KRTAP10-3: variants seen among roughly 807,000 people sequenced by gnomAD.
KRTAP10-3 encodes the protein keratin associated protein 10-3, also known as keratin-associated protein 10-3.
For synonymous variants in KRTAP10-3, 151 were observed against 126.2 expected, an observed-to-expected ratio of 1.20 and a Z score of -1.32; for missense variants, 341 against 293.4, an observed-to-expected ratio of 1.16 and a Z score of -1.19.
chr21:44,558,497 G>T lies in KRTAP10-3; in HGVS notation c.219C>A (p.Ser73Arg). 6.2e-7 allele frequency: 1 copy of T among 1,613,934 alleles called. No individual in the cohort carries two copies. The highest frequency in any genetic ancestry group is 8.5e-7 in the Non-Finnish European group (1 of 1,179,940). ...EPSPCQSGCT[S>R]SCTPSCCQQS... Reference sequence around the variant, plus strand: ...GCTGGCAGCACGAGGGCGTGCAGGAGCTGGTGCAGCCTGACTGGCAGGGGC... The same window carrying T: ...GCTGGCAGCACGAGGGCGTGCAGGATCTGGTGCAGCCTGACTGGCAGGGGC... Residue 73 changes from serine to arginine, a missense_variant, in exon 1 of 1, where the codon AGC becomes AGA. Coordinates refer to ENST00000391620, the MANE Select transcript of KRTAP10-3 (RefSeq NM_198696.3).
In KRTAP10-3 at chr21:44,558,346, A is replaced by T. The variant is rs1019539404; in HGVS notation, c.370T>A (p.Cys124Ser). The change falls in exon 1 of 1, where the codon TGC becomes AGC. Residue 124 changes from cysteine (C) to serine (S), a missense_variant. Coordinates refer to ENST00000391620, the MANE Select transcript of KRTAP10-3 (RefSeq NM_198696.3). ...CCKPVCCKPI[C>S]CVPVCSGASS... ...GCCCCAGAGCAGACGGGCACACAGC[A>T]GATGGGCTTGCAGCAGACAGGCTTG... The T allele has an allele frequency of 1.9e-6, 3 of 1,613,496 alleles. No individual in the cohort carries two copies. Among genetic ancestry groups the T allele is most frequent in the Admixed American group, 1.7e-5 (1 of 59,972 alleles).
rs782497300 is a variant in KRTAP10-3 at position 44,558,603 on chromosome 21, G to A, written c.113C>T (p.Ala38Val). 30 of 1,611,130 alleles carry A rather than the reference G, an allele frequency of 1.9e-5. No homozygotes were observed. Among genetic ancestry groups the A allele is most frequent in the South Asian group, 3.3e-5 (3 of 90,858 alleles). ...GACCAGGGTCAGGCAGGGGGCCGGGGCGCAGCAGCTGGTGGCGCAGCAGGG... is the reference window on the plus strand; with the variant it reads ...GACCAGGGTCAGGCAGGGGGCCGGGACGCAGCAGCTGGTGGCGCAGCAGGG... Reference protein sequence around the residue: ...EPPCCATSCCAPAPCLTLVCT... With the variant: ...EPPCCATSCCVPAPCLTLVCT... The change falls in exon 1 of 1, where the codon GCC (alanine) becomes GTC (valine). Residue 38 changes from alanine to valine, a missense_variant. Ala to Val is a moderately conservative substitution (Grantham distance 64). Transcript: ENST00000391620.
chr21:44,558,393 A>ATGGG lies in KRTAP10-3; in HGVS notation c.322_323insCCCA (p.Val108AlafsTer35). The ATGGG allele has an allele frequency of 6.2e-7, 1 of 1,613,010 alleles. No homozygotes were observed. Among genetic ancestry groups the ATGGG allele is most frequent in the South Asian group, 1.1e-5 (1 of 91,032 alleles). On this transcript the variant is annotated frameshift_variant, in exon 1 of 1. Transcript: ENST00000391620. LOFTEE classifies it low-confidence loss of function (END_TRUNC). Reference sequence around the variant, plus strand: ...CTTGCAGCAGACGGGCACACAGCAGACTGGCTTGCAGCAGACAGGCACGCA... The same window carrying ATGGG: ...CTTGCAGCAGACGGGCACACAGCAGATGGGCTGGCTTGCAGCAGACAGGCACGCA...
Position 44,557,939 on chromosome 21 carries a change from G to A in KRTAP10-3, c.*111C>T. ...GCATGAAAGCTCAGCATTGCTGGCT[G>A]GAGGTGCAGTGGCTATGGGCAGAGG... On this transcript the variant is annotated 3_prime_UTR_variant, in exon 1 of 1. Transcript: ENST00000391620. 8.0e-7 allele frequency: 1 copy of A among 1,246,208 alleles called. No individual in the cohort carries two copies. Among genetic ancestry groups the A allele is most frequent in the Non-Finnish European group, 1.1e-6 (1 of 899,170 alleles). 77.2% of individuals were successfully genotyped at this position (1,246,208 alleles called of 1,614,324 possible). A position where few individuals can be genotyped will look rare whatever the true frequency, so the allele number is the denominator to read the frequency against.
rs2053578661 is a variant in KRTAP10-3, at chr21:44,558,431, G to A, written c.285C>T (p.Cys95=). ...AGACAGGCACGCAGCAGGCCTGCTG[G>A]CAGGGGGAGGATGTGCAGCAAGCTG... ...CQPACCTSSP[C]QQACCVPVCC... Residue 95 remains cysteine (C), a synonymous_variant, in exon 1 of 1, where the codon TGC becomes TGT. Transcript: ENST00000391620. 6.2e-7 allele frequency: 1 copy of A among 1,614,088 alleles called. No homozygotes were observed. The highest frequency in any genetic ancestry group is 8.5e-7 in the Non-Finnish European group (1 of 1,179,954).
In KRTAP10-3 at chr21:44,558,621, C is replaced by T; in HGVS notation, c.95G>A (p.Cys32Tyr). ...GGCCGGGGCGCAGCAGCTGGTGGCGCAGCAGGGGGGCTCACAGCAGCTCTC... is the reference window on the plus strand; with the variant it reads ...GGCCGGGGCGCAGCAGCTGGTGGCGTAGCAGGGGGGCTCACAGCAGCTCTC... ...CPESCCEPPC[C>Y]ATSCCAPAPC... Residue 32 changes from cysteine to tyrosine, a missense_variant, in exon 1 of 1, where the codon TGC becomes TAC. Physicochemically the swap from Cys to Tyr is radical, Grantham distance 194. Coordinates refer to ENST00000391620, the MANE Select transcript of KRTAP10-3 (RefSeq NM_198696.3). 6.2e-7 allele frequency: 1 copy of T among 1,606,972 alleles called. No individual in the cohort carries two copies. Among genetic ancestry groups the T allele is most frequent in the African/African-American group, 1.3e-5 (1 of 74,928 alleles).
At position 44,558,626 on chromosome 21, in the gene KRTAP10-3, G is replaced by T; in HGVS notation, c.90C>A (p.Pro30=). ...GGGCGCAGCAGCTGGTGGCGCAGCA[G>T]GGGGGCTCACAGCAGCTCTCTGGGC... ...DACPESCCEP[P]CCATSCCAPA... The change falls in exon 1 of 1, where the codon CCC becomes CCA. Residue 30 remains proline (P), a synonymous_variant. Transcript: ENST00000391620. 2 of 1,603,856 alleles carry T rather than the reference G, an allele frequency of 1.2e-6. No homozygotes were observed. Among genetic ancestry groups the T allele is most frequent in the African/African-American group, 1.3e-5 (1 of 74,912 alleles).
At position 44,557,814 on chromosome 21, in the gene KRTAP10-3, GT is replaced by G. The variant is rs2053558429; in HGVS notation, c.*235del. On this transcript the variant is annotated 3_prime_UTR_variant, in exon 1 of 1. Transcript: ENST00000391620. The stretch of plus-strand genomic sequence containing the variant: ...AGAGGGCACATTGGTGACTTTATTT[GT>G]TGACAGACTGATCACTCACATGGGG... The G allele has an allele frequency of 1.7e-6, 1 of 590,366 alleles. No homozygotes were observed. Among genetic ancestry groups the G allele is most frequent in the Admixed American group, 3.0e-5 (1 of 33,296 alleles). 36.6% of individuals were successfully genotyped at this position (590,366 alleles called of 1,614,324 possible).
rs1555920131 is a variant in KRTAP10-3 at position 44,558,077 on chromosome 21, G to T, written c.639C>A (p.Leu213=). 1.9e-6 allele frequency: 3 copies of T among 1,610,998 alleles called. No individual in the cohort carries two copies. The highest frequency in any genetic ancestry group is 2.7e-5 in the African/African-American group (2 of 74,912). ...CSRLSSACCG[L]SSGQKSSC ...AGCAGCTGGACTTCTGGCCTGAGGA[G>T]AGGCCGCAGCACGCGGAAGAGAGGC... Residue 213 remains leucine (L), a synonymous_variant, in exon 1 of 1, where the codon CTC becomes CTA. Transcript: ENST00000391620.
chr21:44,557,928 C>T lies in KRTAP10-3; in HGVS notation c.*122G>A, dbSNP rs587619012. Reference sequence around the variant, plus strand: ...GGAGGGAATCGGCATGAAAGCTCAGCATTGCTGGCTGGAGGTGCAGTGGCT... The same window carrying T: ...GGAGGGAATCGGCATGAAAGCTCAGTATTGCTGGCTGGAGGTGCAGTGGCT... On this transcript the variant is annotated 3_prime_UTR_variant, in exon 1 of 1. Coordinates refer to ENST00000391620, the MANE Select transcript of KRTAP10-3 (RefSeq NM_198696.3). 6.6e-5 allele frequency: 77 copies of T among 1,168,890 alleles called. No homozygotes were observed. The African/African-American group carries it at 1.0e-3, about 16-fold the overall frequency. 72.4% of individuals were successfully genotyped at this position (1,168,890 alleles called of 1,614,324 possible).
rs111327969 is a variant in KRTAP10-3, at chr21:44,558,656, G to A, written c.60C>T (p.Asp20=). The A allele has an allele frequency of 1.3e-3, 2,104 of 1,613,256 alleles. 16 individuals carry two copies. In the African/African-American group the frequency reaches 0.019, roughly 15 times the overall value. The change falls in exon 1 of 1, where the codon GAC becomes GAT. Residue 20 remains aspartate (D), a synonymous_variant. Coordinates refer to ENST00000391620, the MANE Select transcript of KRTAP10-3 (RefSeq NM_198696.3). ...SSAYSDSWQV[D]ACPESCCEPP... ...GCTCACAGCAGCTCTCTGGGCAGGC[G>A]TCCACCTGCCAGGAGTCAGAGTAAG...
At position 44,558,794 on chromosome 21, in the gene KRTAP10-3, C is replaced by A; in HGVS notation, c.-79G>T. 6.6e-7 allele frequency: 1 copy of A among 1,518,862 alleles called. No homozygotes were observed. Among genetic ancestry groups the A allele is most frequent in the South Asian group, 1.3e-5 (1 of 77,926 alleles). The allele number at this position is 1,518,862 out of a possible 1,614,324, so 94.1% of individuals were successfully genotyped here. On this transcript the variant is annotated 5_prime_UTR_variant, in exon 1 of 1. Transcript: ENST00000391620. ...GTGAGTGAGGGAGTGAGTGAGTGAT[C>A]GTGCCAGGCCTCTGAGTGGTCGGAA...
chr21:44,557,885 TG>T lies in KRTAP10-3; in HGVS notation c.*164del. 1 of 798,054 alleles carries T rather than the reference TG, an allele frequency of 1.3e-6. No homozygotes were observed. Among genetic ancestry groups the T allele is most frequent in the Non-Finnish European group, 2.0e-6 (1 of 507,470 alleles). The allele number at this position is 798,054 out of a possible 1,614,324, so 49.4% of individuals were successfully genotyped here. A position where few individuals can be genotyped will look rare whatever the true frequency, so the allele number is the denominator to read the frequency against. On this transcript the variant is annotated 3_prime_UTR_variant, in exon 1 of 1. Transcript: ENST00000391620. ...GCTGGCCAGCATGGAGATGAGGGTGTGGGAGAGATGCATGCCTGGAGGGAAT... is the reference window on the plus strand; with the variant it reads ...GCTGGCCAGCATGGAGATGAGGGTGTGGAGAGATGCATGCCTGGAGGGAAT...
chr21:44,557,976 G>A lies in KRTAP10-3; in HGVS notation c.*74C>T. ...GCTATGGGCAGAGGAGACTCAGACA[G>A]GGCTCAGGGCTGCAAGGATTTTCGG... On this transcript the variant is annotated 3_prime_UTR_variant, in exon 1 of 1. Transcript: ENST00000391620. 1 of 1,525,572 alleles carries A rather than the reference G, an allele frequency of 6.6e-7. No individual in the cohort carries two copies. The highest frequency in any genetic ancestry group is 8.9e-7 in the Non-Finnish European group (1 of 1,128,068). The allele number at this position is 1,525,572 out of a possible 1,614,324, so 94.5% of individuals were successfully genotyped here.
In KRTAP10-3 at chr21:44,558,695, G is replaced by A. The variant is rs201902293; in HGVS notation, c.21C>T (p.Ser7=). ...AGTCAGAGTAAGCGCTGGAGCAGAC[G>A]GACATGGTAGACGTGGCCATGCTGG... MATSTM[S]VCSSAYSDSW... is the part of the protein sequence containing the mutation. The change falls in exon 1 of 1, where the codon TCC becomes TCT. Residue 7 remains serine, a synonymous_variant. Coordinates refer to ENST00000391620, the MANE Select transcript of KRTAP10-3 (RefSeq NM_198696.3). 294 of 1,607,416 alleles carry A rather than the reference G, an allele frequency of 1.8e-4. 2 individuals carry two copies. In the East Asian group the frequency reaches 3.5e-3, roughly 19 times the overall value.
rs781966096 is a variant in KRTAP10-3 at position 44,558,347 on chromosome 21, G to C, written c.369C>G (p.Ile123Met). Residue 123 changes from isoleucine (I) to methionine (M), a missense_variant, in exon 1 of 1, where the codon ATC becomes ATG. Transcript: ENST00000391620. ...CCCCAGAGCAGACGGGCACACAGCA[G>C]ATGGGCTTGCAGCAGACAGGCTTGC... ...VCCKPVCCKP[I>M]CCVPVCSGAS... The C allele has an allele frequency of 9.9e-6, 16 of 1,613,364 alleles. No homozygotes were observed. In the African/African-American group the frequency reaches 2.0e-4, roughly 20 times the overall value.
chr21:44,558,315 G>C lies in KRTAP10-3; in HGVS notation c.401C>G (p.Ser134Cys). The C allele has an allele frequency of 6.2e-7, 1 of 1,614,090 alleles. No homozygotes were observed. Among genetic ancestry groups the C allele is most frequent in the South Asian group, 1.1e-5 (1 of 91,084 alleles). ...CCVPVCSGAS[S>C]SCCQQSSRQP... ...GCGGCTAGACTGCTGGCAGCATGAA[G>C]AGGAAGCCCCAGAGCAGACGGGCAC... Residue 134 changes from serine to cysteine, a missense_variant, in exon 1 of 1, where the codon TCT becomes TGT. Transcript: ENST00000391620.
rs1364901057 is a variant in KRTAP10-3, at chr21:44,558,053, G to A, written c.663C>T (p.Cys221=). 8.1e-6 allele frequency: 13 copies of A among 1,602,952 alleles called. No individual in the cohort carries two copies. The highest frequency in any genetic ancestry group is 1.0e-5 in the Non-Finnish European group (12 of 1,173,834). Reference sequence around the variant, plus strand: ...CTGGAGAAACGGGACCTGCCCGTCAGCAGCTGGACTTCTGGCCTGAGGAGA... The same window carrying A: ...CTGGAGAAACGGGACCTGCCCGTCAACAGCTGGACTTCTGGCCTGAGGAGA... ...CGLSSGQKSS[C] The change falls in exon 1 of 1, where the codon TGC becomes TGT. Residue 221 remains cysteine (C), a synonymous_variant. Coordinates refer to ENST00000391620, the MANE Select transcript of KRTAP10-3 (RefSeq NM_198696.3).
At position 44,558,184 on chromosome 21, in the gene KRTAP10-3, A is replaced by C. The variant is rs782582545; in HGVS notation, c.532T>G (p.Cys178Gly). 3.2e-6 allele frequency: 5 copies of C among 1,548,494 alleles called. No homozygotes were observed. The highest frequency in any genetic ancestry group is 1.8e-5 in the Admixed American group (1 of 54,590). Residue 178 changes from cysteine (C) to glycine (G), a missense_variant, in exon 1 of 1, where the codon TGT becomes GGT. Cys to Gly is a radical substitution (Grantham distance 159). Transcript: ENST00000391620. ...GGCTGGCAGGTGGAGGCAGGGGCACAGCAGGAGGGGATGGGCACACAGCAG... is the reference window on the plus strand; with the variant it reads ...GGCTGGCAGGTGGAGGCAGGGGCACCGCAGGAGGGGATGGGCACACAGCAG... ...STCCVPIPSC[C>G]APASTCQPSC...
Sources: gnomAD v4.1 joint callset for allele counts on GRCh38, gnomAD v4.1.1 for gene constraint, MANE v1.5 for transcripts, NCBI Gene and HGNC (gene_info 2026-07-23, HGNC 2026-07-21) for gene names.